Variants in STAT4 observed in about 807,000 individuals in gnomAD.
STAT4 encodes signal transducer and activator of transcription 4.
In STAT4, 42 loss-of-function variants were observed where a neutral mutation model predicts 110.5. The observed-to-expected ratio is 0.38, with a 90% CI of 0.30 to 0.49. The LOEUF is 0.49. Among genes scored for constraint, STAT4 ranks in the 20% least tolerant of loss-of-function variants. STAT4 has a pLI of 0.95. For synonymous variants in STAT4, 284 were observed against 302.2 expected (o/e 0.94, Z 0.63); for missense variants, 632 against 887.9 (o/e 0.71, Z 3.66).
chr2:191,057,217 T>C (rs535728665), intron 13 of STAT4, among the ~76,000 whole-genome samples: 1 of 152,334 alleles, frequency 6.6e-6, no homozygotes, highest in African/African-American at 2.4e-5. Context: ...ACTGTCTGCC[T>C]CTAAGAGATC....
intron 3 of STAT4, among the ~76,000 whole-genome samples, chr2:191,095,453 A>G (rs954167097): frequency 3.3e-5 from 5 of 152,242 alleles, no homozygotes; most frequent in African/African-American, 1.2e-4. Context: ...CTCAGGATTA[A>G]GAAACTCACT....
At chr2:191,103,582 T>C (rs1186489863) in intron 3 of STAT4, among the ~76,000 whole-genome samples, 1 of 152,190 alleles carries the variant, frequency 6.6e-6, no homozygotes, top group Non-Finnish European at 1.5e-5. Context: ...CAAATTCTCT[T>C]AATCATAGAG....
chr2:191,130,124 C>T (rs922522795), intron 3 of STAT4, among the ~76,000 whole-genome samples: 16 of 151,438 alleles, frequency 1.1e-4, no homozygotes, highest in African/African-American at 3.9e-4. Context: ...GAATTAGCTG[C>T]GAATAGAATA....
chr2:191,148,349 A>G (rs553221189), intron 1 of STAT4, 145 bp from the exon 2 acceptor site: 3 of 1,051,284 alleles, frequency 2.9e-6, no homozygotes, highest in African/African-American at 3.3e-5. Context: ...GTTTTTTTTC[A>G]TAATTCAACC....
rs911413704 is a variant in STAT4 at position 191,147,621 on chromosome 2, C to T, written c.128+455G>A. On this transcript the variant is annotated intron_variant, in intron 2 of 23. Coordinates refer to ENST00000392320, the MANE Select transcript of STAT4 (RefSeq NM_003151.4). This position sits in a 1 kb window ranked among gnomAD's most constrained non-coding sequence, Gnocchi z 4.1. ...CATAATAATGTGAATATATGTAATG[C>T]CACTGAATAGTACACCAAAAACAAT... 6.6e-6 allele frequency among the ~76,000 whole-genome samples: 1 copy of T among 151,796 alleles called. No individual in the cohort carries two copies. The highest frequency in any genetic ancestry group is 2.4e-5 in the African/African-American group (1 of 41,316).
intron 3 of STAT4, chr2:191,131,793 G>A (rs552936290): frequency 3.0e-6 from 4 of 1,347,252 alleles, no homozygotes; most frequent in East Asian, 3.0e-5. Flanking sequence ...AGTATCATCT[G>A]AATGTCCCAG....
rs1208813758 is a variant in STAT4 at position 191,030,651 on chromosome 2, A to C, written c.2220+321T>G. 1.3e-5 allele frequency: 3 copies of C among 227,146 alleles called. No homozygotes were observed. Among genetic ancestry groups the C allele is most frequent in the Non-Finnish European group, 2.7e-5 (3 of 112,944 alleles). 14.1% of individuals were successfully genotyped at this position (227,146 alleles called of 1,614,324 possible). ...CAATAAATGGTGTTTGCTAAAGTAG[A>C]GAGTGGTGGGGAGTGAGGGGGCCCA... On this transcript the variant is annotated intron_variant, in intron 23 of 23. Coordinates refer to ENST00000392320, the MANE Select transcript of STAT4 (RefSeq NM_003151.4). The surrounding 1 kb of genome is among the most constrained non-coding windows in gnomAD (Gnocchi z 4.4).
At chr2:191,047,781 T>TCA (rs1696391259) in intron 14 of STAT4, among the ~76,000 whole-genome samples, 1 of 152,204 alleles carries the variant, frequency 6.6e-6, no homozygotes, top group Non-Finnish European at 1.5e-5. Context: ...TTCTCCTGCC[T>TCA]CAGCCTCCTG....
At chr2:191,106,126 C>A (rs1001368968) in intron 3 of STAT4, among the ~76,000 whole-genome samples, 1 of 152,068 alleles carries the variant, frequency 6.6e-6, no homozygotes, top group African/African-American at 2.4e-5. Context: ...ATTAGAATTC[C>A]TTCTGTCTTA....
upstream of STAT4, chr2:191,151,220 G>T: frequency 1.0e-6 from 1 of 985,654 alleles, no homozygotes; most frequent in Non-Finnish European, 1.2e-6. This position sits in a 1 kb window ranked among gnomAD's most constrained non-coding sequence, Gnocchi z 4.7. Flanking sequence ...CCCTCCCAGC[G>T]GCTCTCGCAA....
chr2:191,134,638 G>A (rs1424957219), intron 3 of STAT4, among the ~76,000 whole-genome samples: 1 of 152,120 alleles, frequency 6.6e-6, no homozygotes, highest in East Asian at 1.9e-4. Context: ...TACACACTCA[G>A]AATCAAAGCC....
intron 3 of STAT4, among the ~76,000 whole-genome samples, chr2:191,079,254 C>T (rs146601552): frequency 0.021 from 3,212 of 152,164 alleles, 116 homozygotes; most frequent in African/African-American, 0.074. Flanking sequence ...CACACATATG[C>T]ACACCCTGGT....
At chr2:191,087,061 T>A (rs1016536302) in intron 3 of STAT4, among the ~76,000 whole-genome samples, 6 of 152,156 alleles carry the variant, frequency 3.9e-5, no homozygotes, top group African/African-American at 1.4e-4. Flanking sequence ...ATGCCTCTTA[T>A]TAGAGATCTG....
At chr2:191,136,031 C>A (rs28820672) in intron 3 of STAT4, among the ~76,000 whole-genome samples, 3,900 of 121,492 alleles carry the variant, frequency 0.032, 184 homozygotes, top group African/African-American at 0.11. Context: ...AACCAAAAAA[C>A]AAAAAACCAA....
chr2:191,050,132 C>A lies in STAT4; in HGVS notation c.1251+4358G>T, dbSNP rs1696478791. ...CACCTCAGTCTGTGGCTAAAACTGTCATTTATCAGTTAAAGCCCACTGACA... is the reference window on the plus strand; with the variant it reads ...CACCTCAGTCTGTGGCTAAAACTGTAATTTATCAGTTAAAGCCCACTGACA... On this transcript the variant is annotated intron_variant, in intron 14 of 23. Transcript: ENST00000392320. This position sits in a 1 kb window ranked among gnomAD's most constrained non-coding sequence, Gnocchi z 4.3. Among the ~76,000 whole-genome samples, 1 of 152,204 alleles carries A rather than the reference C, an allele frequency of 6.6e-6. No homozygotes were observed. The highest frequency in any genetic ancestry group is 1.5e-5 in the Non-Finnish European group (1 of 68,040).
Position 191,061,630 on chromosome 2 carries a change from A to T in STAT4, c.1034+99T>A. On this transcript the variant is annotated intron_variant, in intron 10 of 23. Transcript: ENST00000392320. This position sits in a 1 kb window ranked among gnomAD's most constrained non-coding sequence, Gnocchi z 6.2. ...GCACACAGCAGATGGTTCAATAAAG[A>T]ACAGCTGAATGCAAGCCACAATGAG... 8.9e-7 allele frequency: 1 copy of T among 1,128,850 alleles called. No individual in the cohort carries two copies. The highest frequency in any genetic ancestry group is 1.3e-6 in the Non-Finnish European group (1 of 742,004). The allele number at this position is 1,128,850 out of a possible 1,614,324, so 69.9% of individuals were successfully genotyped here. A position where few individuals can be genotyped will look rare whatever the true frequency, so the allele number is the denominator to read the frequency against.
rs1022165082 is a variant in STAT4 at position 191,073,196 on chromosome 2, A to G, written c.373-6T>C. ...AAGGATTTCTCTAGAGGCCCCTGGA[A>G]AAAGAATGTCTTGAAATCTCTCTGG... is the stretch of plus-strand genomic sequence containing the variant. On this transcript the variant is annotated splice_polypyrimidine_tract_variant and splice_region_variant and intron_variant, in intron 4 of 23. Transcript: ENST00000392320. 2 of 1,612,764 alleles carry G rather than the reference A, an allele frequency of 1.2e-6. No individual in the cohort carries two copies. Among genetic ancestry groups the G allele is most frequent in the Non-Finnish European group, 8.5e-7 (1 of 1,178,956 alleles).
chr2:191,118,323 T>C (rs1698625078), intron 3 of STAT4, among the ~76,000 whole-genome samples: 1 of 152,324 alleles, frequency 6.6e-6, no homozygotes, highest in Middle Eastern at 3.4e-3. Flanking sequence ...GATTCTGGGA[T>C]TGAAGTCTGG....
At position 191,029,716 on chromosome 2, in the gene STAT4, T is replaced by G. The variant is rs3024907; in HGVS notation, c.*124A>C. On this transcript the variant is annotated 3_prime_UTR_variant, in exon 24 of 24. Coordinates refer to ENST00000392320, the MANE Select transcript of STAT4 (RefSeq NM_003151.4). The surrounding 1 kb of genome is among the most constrained non-coding windows in gnomAD (Gnocchi z 4.5). Reference sequence around the variant, plus strand: ...ACGGGAGTGTGAAGAGAGCTTCAGATGTCAAACATTTCCTAGAACCTGGTA... The same window carrying G: ...ACGGGAGTGTGAAGAGAGCTTCAGAGGTCAAACATTTCCTAGAACCTGGTA... The G allele has an allele frequency of 6.5e-5, 57 of 876,094 alleles. 1 individual carries two copies. The South Asian group carries it at 6.6e-4, about 10-fold the overall frequency. 54.3% of individuals were successfully genotyped at this position (876,094 alleles called of 1,614,324 possible). A position where few individuals can be genotyped will look rare whatever the true frequency, so the allele number is the denominator to read the frequency against.
Sources: gnomAD v4.1 joint callset for allele counts (sites outside exome capture counted in the v4.1 genomes callset) on GRCh38, gnomAD v4.1.1 for gene constraint, Gnocchi (gnomAD v3.1) non-coding constraint, MANE v1.5 for transcripts, NCBI Gene and HGNC (gene_info 2026-07-23, HGNC 2026-07-21) for gene names.